Variants in ANK3 observed in about 807,000 individuals in gnomAD.
ANK3 encodes ankyrin-3.
Under a neutral mutation model 370.9 loss-of-function variants are expected in ANK3, and 57 were observed. That is an observed-to-expected ratio of 0.15 (90% CI 0.12 to 0.19). The LOEUF is 0.19. Ranked by LOEUF, ANK3 falls within the 10% of genes least tolerant of loss-of-function variation. ANK3 has a pLI of 1.00. For missense variants in ANK3, 4,439 were observed against 5,302.1 expected, an observed-to-expected ratio of 0.84 and a Z score of 5.06; for synonymous variants, 1,929 against 1,946.3, an observed-to-expected ratio of 0.99 and a Z score of 0.23.
intron 37 of ANK3, 77 bp downstream of exon 37, chr10:60,068,560 G>T: frequency 8.2e-6 from 12 of 1,456,628 alleles, no homozygotes; most frequent in Non-Finnish European, 8.3e-6. Flanking sequence ...CTACGAGTTG[G>T]AAAGTGTTTA....
intron 2 of ANK3, among the ~76,000 whole-genome samples, chr10:60,435,721 A>G (rs2064138430): frequency 6.6e-6 from 1 of 152,116 alleles, no homozygotes; most frequent in South Asian, 2.1e-4. Flanking sequence ...GTCTTTCAGG[A>G]TTTGCCTACT....
chr10:60,511,789 A>AT (rs5785448), intron 2 of ANK3, among the ~76,000 whole-genome samples: 5,613 of 141,562 alleles, frequency 0.04, 147 homozygotes, highest in South Asian at 0.06. Context: ...GGGGAAAGGC[A>AT]TTTTTTTTTT....
At chr10:60,315,840 G>A (rs978496737) in intron 1 of ANK3, among the ~76,000 whole-genome samples, 4 of 152,150 alleles carry the variant, frequency 2.6e-5, no homozygotes, top group Middle Eastern at 6.8e-3. Flanking sequence ...AGCATGTTAA[G>A]GATTTATTTT....
At chr10:60,633,276 T>C (rs553111046) in intron 1 of ANK3, among the ~76,000 whole-genome samples, 213 of 152,248 alleles carry the variant, frequency 1.4e-3, no homozygotes, top group Non-Finnish European at 2.6e-3. Context: ...CATGCAATAA[T>C]TGCACATTAA....
intron 1 of ANK3, among the ~76,000 whole-genome samples, chr10:60,696,180 C>T (rs2079446553): frequency 6.7e-6 from 1 of 149,844 alleles, no homozygotes; most frequent in African/African-American, 2.5e-5. Flanking sequence ...TCGACACATA[C>T]ACTCTCCCAA....
chr10:60,213,594 A>G, intron 8 of ANK3, 84 bp from the exon 9 acceptor site: 1 of 768,436 alleles, frequency 1.3e-6, no homozygotes, highest in South Asian at 2.7e-5. Flanking sequence ...CCAGCATGGC[A>G]CCCAACATGC....
chr10:60,439,999 A>C (rs866658762), intron 2 of ANK3, among the ~76,000 whole-genome samples: 1 of 152,204 alleles, frequency 6.6e-6, no homozygotes, highest in Non-Finnish European at 1.5e-5. Flanking sequence ...ATCTGTACAA[A>C]GTACATTTCA....
intron 9 of ANK3, among the ~76,000 whole-genome samples, chr10:60,211,030 A>G (rs1460029691): frequency 1.3e-5 from 2 of 152,186 alleles, no homozygotes; most frequent in Non-Finnish European, 2.9e-5. Flanking sequence ...AGCCGATACA[A>G]TCAGGATCCA....
At chr10:60,474,824 T>C (rs114694654) in intron 2 of ANK3, among the ~76,000 whole-genome samples, 3,033 of 152,244 alleles carry the variant, frequency 0.02, 107 homozygotes, top group African/African-American at 0.069. Context: ...GAAAAAAGTA[T>C]AGAAGAATAT....
intron 1 of ANK3, among the ~76,000 whole-genome samples, chr10:60,652,001 T>C (rs2078794916): frequency 6.6e-6 from 1 of 152,222 alleles, no homozygotes; most frequent in South Asian, 2.1e-4. Context: ...TTGTTTAATT[T>C]CTGCCTATAA....
intron 2 of ANK3, among the ~76,000 whole-genome samples, chr10:60,521,097 T>G (rs1359965380): frequency 1.3e-5 from 2 of 152,114 alleles, no homozygotes; most frequent in African/African-American, 4.8e-5. Context: ...CATAAATAAA[T>G]CATGCCTAGG....
chr10:60,043,546 T>G (rs192566942), intron 42 of ANK3: 1 of 985,412 alleles, frequency 1.0e-6, no homozygotes, highest in Non-Finnish European at 1.2e-6. Context: ...TGGGCTGTTA[T>G]AAACCCAAAG....
intron 2 of ANK3, among the ~76,000 whole-genome samples, chr10:60,586,887 T>C (rs1461655201): frequency 1.3e-5 from 2 of 152,332 alleles, no homozygotes; most frequent in Non-Finnish European, 2.9e-5. Flanking sequence ...TTACGGCAGC[T>C]GTAAGATAAA....
chr10:60,275,872 G>A (rs996559085), intron 4 of ANK3, among the ~76,000 whole-genome samples: 3 of 152,130 alleles, frequency 2.0e-5, no homozygotes, highest in Non-Finnish European at 4.4e-5. Flanking sequence ...AAGAGTGGGG[G>A]ATGTCATTTG....
At chr10:60,098,142 A>C (rs1319215715) in intron 28 of ANK3, among the ~76,000 whole-genome samples, 1 of 152,032 alleles carries the variant, frequency 6.6e-6, no homozygotes, top group African/African-American at 2.4e-5. Flanking sequence ...TCTGGGATGG[A>C]TATGACAAAA....
At chr10:60,234,529 T>C (rs1171875056) in intron 8 of ANK3, among the ~76,000 whole-genome samples, 159 bp downstream of exon 8, 3 of 152,204 alleles carry the variant, frequency 2.0e-5, no homozygotes, top group African/African-American at 7.2e-5. Flanking sequence ...TGGATGGCCA[T>C]ACCATTTTAA....
At chr10:60,275,253 T>G (rs1362259121) in intron 4 of ANK3, among the ~76,000 whole-genome samples, 2 of 152,202 alleles carry the variant, frequency 1.3e-5, no homozygotes, top group Admixed American at 6.5e-5. Flanking sequence ...AAGTCTGATT[T>G]TATCCAATAT....
chr10:60,322,386 A>G (rs2048858822), intron 1 of ANK3, among the ~76,000 whole-genome samples: 1 of 152,194 alleles, frequency 6.6e-6, no homozygotes, highest in African/African-American at 2.4e-5. Context: ...TTAAATCATG[A>G]ATGTCTTCAC....
intron 1 of ANK3, among the ~76,000 whole-genome samples, chr10:60,373,413 A>T (rs545843816): frequency 6.6e-6 from 1 of 152,312 alleles, no homozygotes; most frequent in Non-Finnish European, 1.5e-5. Context: ...CAAGGCAAGA[A>T]TTGGGTCCTG....
Sources: allele counts gnomAD v4.1 joint callset (sites outside exome capture counted in the v4.1 genomes callset), GRCh38; gene constraint gnomAD v4.1.1; transcripts MANE v1.5; gene names NCBI Gene and HGNC (gene_info 2026-07-23, HGNC 2026-07-21).